CNBD1: variants seen among roughly 807,000 people sequenced by gnomAD.
The protein encoded by CNBD1 is cyclic nucleotide-binding domain-containing protein 1.
A neutral mutation model predicts 54.4 loss-of-function variants in CNBD1; 71 were observed. The observed-to-expected ratio is 1.30, with a 90% CI of 1.08 to 1.59. The LOEUF is 1.59. CNBD1 is among the 40% of genes most tolerant of loss of function. The pLI is 0.00. For missense variants in CNBD1, 659 were observed against 518.0 expected (o/e 1.27, Z -2.64); for synonymous variants, 182 against 170.7 (o/e 1.07, Z -0.51).
At chr8:87,343,515 C>G (rs576654904) in intron 8 of CNBD1, among the ~76,000 whole-genome samples, 1 of 152,236 alleles carries the variant, frequency 6.6e-6, no homozygotes, top group Non-Finnish European at 1.5e-5. Context: ...CCCTGACTTC[C>G]CGCAACAAAA....
At chr8:87,158,897 A>G (rs1270434798) in intron 4 of CNBD1, among the ~76,000 whole-genome samples, 3 of 152,204 alleles carry the variant, frequency 2.0e-5, no homozygotes, top group Non-Finnish European at 4.4e-5. Context: ...GACATCATGC[A>G]GAAAATAACA....
intron 4 of CNBD1, among the ~76,000 whole-genome samples, chr8:87,082,845 G>A (rs1419740359): frequency 1.3e-5 from 2 of 151,964 alleles, no homozygotes; most frequent in Non-Finnish European, 2.9e-5. Context: ...CTTTTGGATT[G>A]ATTTTAAAAT....
chr8:87,122,324 A>G (rs543301587), intron 4 of CNBD1, among the ~76,000 whole-genome samples: 2 of 151,828 alleles, frequency 1.3e-5, no homozygotes, highest in African/African-American at 2.4e-5. Flanking sequence ...ACATTTTTTC[A>G]TGCATCTGGT....
chr8:87,352,437 G>T (rs570656759), intron 9 of CNBD1, among the ~76,000 whole-genome samples: 21 of 137,598 alleles, frequency 1.5e-4, no homozygotes, highest in South Asian at 8.9e-4. Flanking sequence ...CCAAGATTGT[G>T]CCACTGCACT....
chr8:87,383,093 G>C (rs1811114805), downstream of CNBD1, among the ~76,000 whole-genome samples: 2 of 151,876 alleles, frequency 1.3e-5, no homozygotes, highest in South Asian at 4.1e-4. Context: ...TTGAATAGCT[G>C]TCTTGGTTCC....
intron 4 of CNBD1, among the ~76,000 whole-genome samples, chr8:86,957,041 G>T (rs148779930): frequency 6.6e-6 from 1 of 152,006 alleles, no homozygotes; most frequent in African/African-American, 2.4e-5. Context: ...TAGCATGAAG[G>T]GCTGTTGAAT....
intron 4 of CNBD1, among the ~76,000 whole-genome samples, chr8:87,043,295 T>C (rs762858667): frequency 3.3e-5 from 5 of 152,188 alleles, no homozygotes; most frequent in Non-Finnish European, 5.9e-5. Flanking sequence ...CTCCTCATAG[T>C]TGCTTACTCA....
rs201604005 is a variant in CNBD1, at chr8:87,370,375, C to T, written c.1304-12245C>T. Among the ~76,000 whole-genome samples the T allele has an allele frequency of 3.3e-5, 5 of 152,268 alleles. No individual in the cohort carries two copies. In the East Asian group the frequency reaches 9.7e-4, roughly 29 times the overall value. ...TAAAAGTGTTCCTATTTCTCCACTA[C>T]TCTCCAGCACCTGTTGTTTCCTGAC... On this transcript the variant is annotated intron_variant, in intron 10 of 10. Coordinates refer to ENST00000518476, the MANE Select transcript of CNBD1 (RefSeq NM_173538.3).
intron 5 of CNBD1, among the ~76,000 whole-genome samples, chr8:87,224,221 T>A (rs1319085134): frequency 2.6e-5 from 4 of 151,426 alleles, no homozygotes; most frequent in African/African-American, 9.7e-5. Context: ...TAGTTTCTTT[T>A]GCTGTGCAGA....
chr8:87,024,040 A>T (rs891391337), intron 4 of CNBD1, among the ~76,000 whole-genome samples: 9 of 151,894 alleles, frequency 5.9e-5, no homozygotes, highest in African/African-American at 2.2e-4. Flanking sequence ...GATCAAGACC[A>T]TCCTGGCTAA....
intron 2 of CNBD1, among the ~76,000 whole-genome samples, chr8:87,388,154 A>G (rs924026210): frequency 6.6e-6 from 1 of 152,218 alleles, no homozygotes; most frequent in Non-Finnish European, 1.5e-5. Flanking sequence ...GAAAGAAGGA[A>G]AGATCTAAAA....
chr8:86,901,570 C>A (rs1808933078), intron 2 of CNBD1, among the ~76,000 whole-genome samples: 1 of 152,142 alleles, frequency 6.6e-6, no homozygotes, highest in African/African-American at 2.4e-5. Context: ...ATCTCAGTAG[C>A]TTTGCACAAT....
chr8:87,120,673 G>C (rs1464529339), intron 4 of CNBD1, among the ~76,000 whole-genome samples: 1 of 151,574 alleles, frequency 6.6e-6, no homozygotes, highest in Admixed American at 6.6e-5. Context: ...CAATCTTTTT[G>C]CTTTTTTGAT....
At chr8:87,224,334 T>C (rs1453199641) in intron 5 of CNBD1, among the ~76,000 whole-genome samples, 11 of 150,872 alleles carry the variant, frequency 7.3e-5, no homozygotes, top group Admixed American at 5.3e-4. Context: ...ATGTCCTGAA[T>C]GGTAATGCCT....
chr8:87,302,562 T>C (rs1158759297), intron 8 of CNBD1, among the ~76,000 whole-genome samples: 1 of 151,940 alleles, frequency 6.6e-6, no homozygotes, highest in Non-Finnish European at 1.5e-5. Flanking sequence ...AGCATTCCCT[T>C]TGAAAACTGG....
chr8:87,086,454 G>T, intron 4 of CNBD1, among the ~76,000 whole-genome samples: 1 of 152,132 alleles, frequency 6.6e-6, no homozygotes, highest in South Asian at 2.1e-4. Flanking sequence ...CTTTTTACTT[G>T]CTAAGCCAAA....
intron 2 of CNBD1, among the ~76,000 whole-genome samples, chr8:87,426,018 T>C (rs544927817): frequency 3.9e-5 from 6 of 152,316 alleles, no homozygotes; most frequent in African/African-American, 1.4e-4. Flanking sequence ...TATAATCTCG[T>C]GGTGCACCGT....
chr8:87,353,843 T>C (rs1185659661), intron 10 of CNBD1, 57 bp downstream of exon 10: 1 of 1,323,908 alleles, frequency 7.6e-7, no homozygotes, highest in Non-Finnish European at 1.0e-6. Context: ...AGTTCTTAAA[T>C]TTTTTAAATT....
At chr8:87,350,771 A>G (rs1040275335) in intron 8 of CNBD1, among the ~76,000 whole-genome samples, 1 of 151,948 alleles carries the variant, frequency 6.6e-6, no homozygotes, top group African/African-American at 2.4e-5. Flanking sequence ...GATATGTTTC[A>G]GATTTCATAA....
Sources: gnomAD v4.1 joint callset for allele counts (sites outside exome capture counted in the v4.1 genomes callset) on GRCh38, gnomAD v4.1.1 for gene constraint, MANE v1.5 for transcripts, NCBI Gene and HGNC (gene_info 2026-07-23, HGNC 2026-07-21) for gene names.